CCNY: variants seen among roughly 807,000 people sequenced by gnomAD.
CCNY encodes cyclin Y, also known as cyclin-Y.
In CCNY, 19 loss-of-function variants were observed where a neutral mutation model predicts 42.8. The ratio of observed to expected loss-of-function variants is 0.44; its 90% CI spans 0.31 to 0.65. The LOEUF is 0.65. Among genes scored for constraint, CCNY ranks in the 30% least tolerant of loss-of-function variants. The probability of loss-of-function intolerance (pLI) is 0.07; values close to 1 mark genes in which losing one functional copy is unlikely to be tolerated. For synonymous variants in CCNY, 165 were observed against 162.7 expected, an observed-to-expected ratio of 1.01 and a Z score of -0.11; for missense variants, 370 against 437.3, an observed-to-expected ratio of 0.85 and a Z score of 1.37.
intron 5 of CCNY, among the ~76,000 whole-genome samples, chr10:35,526,258 C>T (rs1434201851): frequency 6.6e-6 from 1 of 152,108 alleles, no homozygotes; most frequent in Non-Finnish European, 1.5e-5. Context: ...CTTCCTTTTT[C>T]TTCTTTATTT....
At chr10:35,485,727 AAAAAAAAAAAAAC>A (rs1268913308) in intron 2 of CCNY, among the ~76,000 whole-genome samples, 1,437 of 141,972 alleles carry the variant, frequency 0.01, 28 homozygotes, top group African/African-American at 0.036. Flanking sequence ...TCCGTCTCAA[AAAAAAAAAAAAAC>A]AAAAAAAAAA....
At chr10:35,478,120 T>C (rs1283740927) in intron 1 of CCNY, among the ~76,000 whole-genome samples, 4 of 150,238 alleles carry the variant, frequency 2.7e-5, no homozygotes, top group Non-Finnish European at 6.0e-5. Flanking sequence ...TACAAACTGC[T>C]GCTCAAGGAA....
At chr10:35,347,387 C>T (rs1836329316) in intron 1 of CCNY, 1 of 955,674 alleles carries the variant, frequency 1.0e-6, no homozygotes, top group Non-Finnish European at 1.2e-6. Context: ...AAATGCAAGT[C>T]ACTTCTATTT....
At chr10:35,565,972 G>A (rs751731607) in intron 8 of CCNY, 51 bp from the exon 9 acceptor site, 144 of 1,560,664 alleles carry the variant, frequency 9.2e-5, no homozygotes, top group Middle Eastern at 5.2e-4. Context: ...GGCAGGCCAC[G>A]TGGCCTGGTG....
intron 7 of CCNY, among the ~76,000 whole-genome samples, chr10:35,534,451 AAG>A (rs1231912141): frequency 3.9e-5 from 6 of 152,182 alleles, no homozygotes; most frequent in African/African-American, 9.7e-5. Flanking sequence ...GAGAGGGAGA[AAG>A]AGAGGAAGTT....
chr10:35,445,554 T>G (rs1269400292), intron 1 of CCNY, among the ~76,000 whole-genome samples: 1 of 152,186 alleles, frequency 6.6e-6, no homozygotes, highest in African/African-American at 2.4e-5. Context: ...CATTGATGAC[T>G]CTGGTGAGAA....
intron 7 of CCNY, among the ~76,000 whole-genome samples, chr10:35,537,285 CA>C (rs1393987992): frequency 6.6e-6 from 1 of 152,226 alleles, no homozygotes; most frequent in Non-Finnish European, 1.5e-5. Flanking sequence ...AAATTTGCTT[CA>C]GGGGCGGGGC....
At chr10:35,519,784 T>TTTC (rs1840508947) in intron 4 of CCNY, among the ~76,000 whole-genome samples, 2 of 133,066 alleles carry the variant, frequency 1.5e-5, no homozygotes, top group East Asian at 2.1e-4. Flanking sequence ...TTCTTTTTTT[T>TTTC]TTTTTTTTTT....
chr10:35,361,190 T>G (rs1306479739), intron 1 of CCNY, among the ~76,000 whole-genome samples: 1 of 152,228 alleles, frequency 6.6e-6, no homozygotes, highest in Non-Finnish European at 1.5e-5. Context: ...CACTTATTTA[T>G]TGTTTCATTT....
At chr10:35,321,480 C>T (rs186981077) in intron 3 of CCNY, among the ~76,000 whole-genome samples, 7 of 152,090 alleles carry the variant, frequency 4.6e-5, no homozygotes, top group Non-Finnish European at 1.0e-4. Flanking sequence ...CAAGATCAGC[C>T]TGGGCAATGT....
intron 1 of CCNY, among the ~76,000 whole-genome samples, chr10:35,414,291 C>G (rs1837977626): frequency 6.6e-6 from 1 of 152,194 alleles, no homozygotes; most frequent in South Asian, 2.1e-4. Flanking sequence ...CTTCCAAGAT[C>G]CCTCGCAGAA....
intron 3 of CCNY, among the ~76,000 whole-genome samples, chr10:35,296,406 C>A (rs544314855): frequency 6.6e-6 from 1 of 151,990 alleles, no homozygotes; most frequent in Non-Finnish European, 1.5e-5. Flanking sequence ...ATGGAGAAAC[C>A]CCATGTCGAC....
chr10:35,250,765 C>T (rs898169619), intron 3 of CCNY: 4 of 152,308 alleles, frequency 2.6e-5, no homozygotes, highest in Admixed American at 6.6e-5. Context: ...TATGTGTATT[C>T]GTAAGGTTCC....
intron 1 of CCNY, among the ~76,000 whole-genome samples, chr10:35,447,947 C>T (rs1838828427): frequency 6.6e-6 from 1 of 152,218 alleles, no homozygotes; most frequent in Non-Finnish European, 1.5e-5. Flanking sequence ...GTGTTTGAGG[C>T]TGTGCTTTGC....
At chr10:35,254,120 G>A (rs1051607242) in intron 3 of CCNY, among the ~76,000 whole-genome samples, 4 of 151,900 alleles carry the variant, frequency 2.6e-5, no homozygotes, top group Non-Finnish European at 5.9e-5. Flanking sequence ...CTTGTGATCC[G>A]CCGGCCTCAG....
In CCNY at chr10:35,571,579, G is replaced by A. The variant is rs1331281522; in HGVS notation, c.*2409G>A. 6.6e-6 allele frequency: 1 copy of A among 152,064 alleles called. No individual in the cohort carries two copies. The highest frequency in any genetic ancestry group is 2.4e-5 in the African/African-American group (1 of 41,348). The allele number at this position is 152,064 out of a possible 1,614,324, so 9.4% of individuals were successfully genotyped here. A position where few individuals can be genotyped will look rare whatever the true frequency, so the allele number is the denominator to read the frequency against. On this transcript the variant is annotated 3_prime_UTR_variant, in exon 10 of 10. Transcript: ENST00000374704. ...GTGTAGATTTTAGTTTTACTGGCAGGATGAATCACTTGACACATAGGTAGA... is the reference window on the plus strand; with the variant it reads ...GTGTAGATTTTAGTTTTACTGGCAGAATGAATCACTTGACACATAGGTAGA...
intron 1 of CCNY, among the ~76,000 whole-genome samples, chr10:35,391,492 C>G (rs1399708784): frequency 6.6e-6 from 1 of 151,946 alleles, no homozygotes; most frequent in Non-Finnish European, 1.5e-5. Flanking sequence ...TAGGACTGGC[C>G]GGAAGGTTGT....
chr10:35,343,943 A>G (rs1310487480), intron 1 of CCNY, among the ~76,000 whole-genome samples: 7 of 152,224 alleles, frequency 4.6e-5, no homozygotes, highest in Non-Finnish European at 8.8e-5. Flanking sequence ...CAAAGTGTGA[A>G]TCCTTTCATG....
In CCNY at chr10:35,454,192, G is replaced by A. The variant is rs115426685; in HGVS notation, c.155-29212G>A. On this transcript the variant is annotated intron_variant, in intron 1 of 9. Transcript: ENST00000374704. ...AAGGAAGCTAAGTACCCTGCCCAAC[G>A]GCACGCAACTACCAGTGGTCAAGCT... is the stretch of plus-strand genomic sequence containing the variant. Among the ~76,000 whole-genome samples the A allele has an allele frequency of 5.0e-3, 758 of 152,274 alleles. 9 individuals carry two copies. The highest frequency in any genetic ancestry group is 0.017 in the African/African-American group (723 of 41,554).
Sources: gnomAD v4.1 joint callset for allele counts (sites outside exome capture counted in the v4.1 genomes callset) on GRCh38, gnomAD v4.1.1 for gene constraint, MANE v1.5 for transcripts, NCBI Gene and HGNC (gene_info 2026-07-23, HGNC 2026-07-21) for gene names.